The following NCAM2 variants were observed in gnomAD, a reference collection of about 807,000 sequenced individuals.
NCAM2 encodes the protein N-CAM-2.
A neutral mutation model predicts 98.1 loss-of-function variants in NCAM2; 30 were observed. The observed-to-expected ratio is 0.31, with a 90% CI of 0.23 to 0.41. NCAM2 has a LOEUF of 0.41. Ranked by LOEUF, NCAM2 falls within the 10% of genes least tolerant of loss-of-function variation. The pLI is 1.00. For missense variants in NCAM2, 867 were observed against 1,005.8 expected (o/e 0.86, Z 1.87); for synonymous variants, 368 against 342.4 (o/e 1.07, Z -0.83).
At chr21:21,103,222 G>T (rs2066280417) in intron 1 of NCAM2, among the ~76,000 whole-genome samples, 1 of 90,652 alleles carries the variant, frequency 1.1e-5, no homozygotes, top group African/African-American at 4.3e-5. Flanking sequence ...CATGGAATAA[G>T]AAATACTTTA....
intron 5 of NCAM2, among the ~76,000 whole-genome samples, chr21:21,304,946 T>C: frequency 6.6e-6 from 1 of 152,182 alleles, no homozygotes; most frequent in East Asian, 1.9e-4. Context: ...GATAATATAT[T>C]CTGAAATGTA....
In NCAM2 at chr21:21,049,647, A is replaced by C. The variant is rs146732772; in HGVS notation, c.55+51029A>C. On this transcript the variant is annotated intron_variant, in intron 1 of 17. Transcript: ENST00000400546. ...AGCACTTTGGGAGGCCTAGGTGGGC[A>C]GATTACCTGAGGTCAGGAGTTCAAG... Among the ~76,000 whole-genome samples the C allele has an allele frequency of 9.6e-3, 1,460 of 152,086 alleles. 19 individuals are homozygous for C. The highest frequency in any genetic ancestry group is 0.034 in the African/African-American group (1,403 of 41,520).
At chr21:21,235,152 G>A (rs2070769633) in intron 1 of NCAM2, among the ~76,000 whole-genome samples, 1 of 151,568 alleles carries the variant, frequency 6.6e-6, no homozygotes, top group South Asian at 2.1e-4. Flanking sequence ...AAAAAAGTGG[G>A]GAGAGAGTTA....
chr21:21,046,559 T>G (rs1413081335), intron 1 of NCAM2, among the ~76,000 whole-genome samples: 2 of 152,208 alleles, frequency 1.3e-5, no homozygotes, highest in African/African-American at 4.8e-5. Context: ...CAACCAACAC[T>G]TACTGTCATA....
intron 1 of NCAM2, among the ~76,000 whole-genome samples, chr21:20,999,922 C>T (rs549772155): frequency 6.6e-6 from 1 of 152,256 alleles, no homozygotes; most frequent in Non-Finnish European, 1.5e-5. Context: ...GCGGATGAAA[C>T]ACGATTGGAT....
chr21:21,210,111 T>C (rs1030524008), intron 1 of NCAM2, among the ~76,000 whole-genome samples: 13 of 152,212 alleles, frequency 8.5e-5, no homozygotes, highest in Admixed American at 6.5e-4. Context: ...AATGCATTGA[T>C]AGATCAAACT....
intron 1 of NCAM2, among the ~76,000 whole-genome samples, chr21:21,180,763 A>G (rs1018999249): frequency 7.9e-5 from 12 of 152,192 alleles, no homozygotes; most frequent in African/African-American, 2.9e-4. Context: ...AAACAATACC[A>G]TAAAATGAAG....
At chr21:21,185,100 A>T (rs1044694026) in intron 1 of NCAM2, among the ~76,000 whole-genome samples, 1 of 152,208 alleles carries the variant, frequency 6.6e-6, no homozygotes, top group Non-Finnish European at 1.5e-5. Flanking sequence ...AAGCAAGTTA[A>T]AATGACAATT....
chr21:21,063,213 T>C (rs2065358699), intron 1 of NCAM2, among the ~76,000 whole-genome samples: 1 of 104,456 alleles, frequency 9.6e-6, no homozygotes, highest in Non-Finnish European at 2.0e-5. Flanking sequence ...TTACATTCTT[T>C]TTTTTTTTTT....
chr21:21,243,030 G>C, intron 1 of NCAM2, among the ~76,000 whole-genome samples: 1 of 2,584 alleles, frequency 3.9e-4, no homozygotes, highest in Non-Finnish European at 7.0e-4. Context: ...TTTCAGCTAA[G>C]GTTTCATAAA....
chr21:21,229,205 T>C (rs563807513), intron 1 of NCAM2, among the ~76,000 whole-genome samples: 3 of 151,550 alleles, frequency 2.0e-5, no homozygotes, highest in Non-Finnish European at 4.4e-5. Context: ...TAATAAAATA[T>C]ACCTAAATGC....
intron 1 of NCAM2, among the ~76,000 whole-genome samples, chr21:21,262,961 G>GC (rs1335910333): frequency 1.3e-5 from 2 of 152,106 alleles, no homozygotes; most frequent in East Asian, 3.9e-4. Context: ...GGAAAGACCT[G>GC]CCCCCATGAT....
rs1990171986 is a variant in NCAM2, at chr21:21,540,123, T to C, written c.*2166T>C. On this transcript the variant is annotated 3_prime_UTR_variant, in exon 18 of 18. Coordinates refer to ENST00000400546, the MANE Select transcript of NCAM2 (RefSeq NM_004540.5). ...AGTCATTTCGCATGTTTACTATTGT[T>C]ATATTCGTGCTTTACTTCAAGAGTG... 1 of 152,098 alleles carries C rather than the reference T, an allele frequency of 6.6e-6. No individual in the cohort carries two copies. Among genetic ancestry groups the C allele is most frequent in the South Asian group, 2.1e-4 (1 of 4,830 alleles). 9.4% of individuals were successfully genotyped at this position (152,098 alleles called of 1,614,324 possible).
intron 1 of NCAM2, among the ~76,000 whole-genome samples, chr21:21,236,565 AT>A (rs1381501907): frequency 6.6e-6 from 1 of 152,156 alleles, no homozygotes; most frequent in Non-Finnish European, 1.5e-5. Context: ...TTCTTTTAAA[AT>A]AATTATCCTC....
intron 8 of NCAM2, among the ~76,000 whole-genome samples, chr21:21,366,814 T>C (rs2075797117): frequency 6.6e-6 from 1 of 152,060 alleles, no homozygotes; most frequent in African/African-American, 2.4e-5. Flanking sequence ...CCCTTCCAAT[T>C]CACACGTTTT....
intron 8 of NCAM2, among the ~76,000 whole-genome samples, chr21:21,344,315 G>A (rs1452106579): frequency 2.0e-5 from 3 of 152,084 alleles, no homozygotes. Flanking sequence ...ACAGCCATGG[G>A]GGTAAAGCAT....
chr21:21,215,353 T>C (rs949650932), intron 1 of NCAM2, among the ~76,000 whole-genome samples: 5 of 152,158 alleles, frequency 3.3e-5, no homozygotes, highest in African/African-American at 4.8e-5. Flanking sequence ...TTGAAAAATA[T>C]AAAGATCATT....
chr21:21,428,045 A>G (rs1473014595), intron 11 of NCAM2, among the ~76,000 whole-genome samples: 1 of 152,238 alleles, frequency 6.6e-6, no homozygotes, highest in Non-Finnish European at 1.5e-5. Flanking sequence ...AAAAGTGGCA[A>G]GGCCAGGTCT....
intron 15 of NCAM2, among the ~76,000 whole-genome samples, chr21:21,483,365 T>TA (rs577301728): frequency 4.6e-5 from 7 of 151,820 alleles, no homozygotes; most frequent in Non-Finnish European, 7.4e-5. Flanking sequence ...TTTAACAAGC[T>TA]AAAAAAAATA....
Sources: allele counts gnomAD v4.1 joint callset (sites outside exome capture counted in the v4.1 genomes callset), GRCh38; gene constraint gnomAD v4.1.1; transcripts MANE v1.5; gene names NCBI Gene and HGNC (gene_info 2026-07-23, HGNC 2026-07-21).